JAZF1: variants seen among roughly 807,000 people sequenced by gnomAD.
JAZF1 encodes juxtaposed with another zinc finger protein 1.
JAZF1 carries 8 observed loss-of-function variants against 26.4 expected under a neutral mutation model. That is an observed-to-expected ratio of 0.30 (90% confidence interval 0.18 to 0.55). JAZF1 has a LOEUF of 0.55. JAZF1 is among the 20% of genes least tolerant of loss of function. The probability of loss-of-function intolerance (pLI) is 0.94; values close to 1 mark genes in which losing one functional copy is unlikely to be tolerated. For synonymous variants in JAZF1, 126 were observed against 122.3 expected (o/e 1.03, Z -0.20); for missense variants, 199 against 322.0 (o/e 0.62, Z 2.92).
chr7:28,068,743 C>T (rs1023140153), intron 1 of JAZF1, among the ~76,000 whole-genome samples: 11 of 152,136 alleles, frequency 7.2e-5, no homozygotes, highest in Admixed American at 6.5e-5. Flanking sequence ...AAAAAAGACA[C>T]GAGTCACTGG....
chr7:27,984,679 C>G (rs1208240726), intron 2 of JAZF1, among the ~76,000 whole-genome samples: 1 of 152,180 alleles, frequency 6.6e-6, no homozygotes, highest in African/African-American at 2.4e-5. Context: ...TGCACTTATT[C>G]CAAAATTGAC....
intron 1 of JAZF1, among the ~76,000 whole-genome samples, chr7:28,097,657 T>G (rs1784406492): frequency 2.0e-5 from 3 of 152,294 alleles, no homozygotes; most frequent in South Asian, 2.1e-4. Context: ...AAATCACAGC[T>G]GTCTACGAAT....
chr7:27,915,505 G>A (rs1784432766), intron 2 of JAZF1, among the ~76,000 whole-genome samples: 1 of 152,044 alleles, frequency 6.6e-6, no homozygotes, highest in African/African-American at 2.4e-5. Context: ...TATATTCCAG[G>A]TATCATATAA....
intron 3 of JAZF1, among the ~76,000 whole-genome samples, chr7:27,847,151 C>CTTT (rs80005826): frequency 0.023 from 3,092 of 136,208 alleles, 58 homozygotes; most frequent in East Asian, 0.084. Context: ...GGCTTTTTTT[C>CTTT]TTTTTTTTTT....
intron 1 of JAZF1, among the ~76,000 whole-genome samples, chr7:28,080,669 G>C (rs952770991): frequency 2.6e-5 from 4 of 152,288 alleles, no homozygotes; most frequent in African/African-American, 9.6e-5. Flanking sequence ...CAGGCTCAGG[G>C]AGAGGAAGAG....
intron 1 of JAZF1, among the ~76,000 whole-genome samples, chr7:28,001,223 G>A (rs534927070): frequency 2.3e-4 from 35 of 152,012 alleles, no homozygotes; most frequent in South Asian, 2.1e-3. Context: ...GCATGGTGGC[G>A]TGCCTGTAAT....
chr7:27,945,798 G>C (rs906121429), intron 2 of JAZF1, among the ~76,000 whole-genome samples: 1 of 152,198 alleles, frequency 6.6e-6, no homozygotes, highest in African/African-American at 2.4e-5. Context: ...GAGTGATCTA[G>C]AATTCTGGGC....
At chr7:27,900,964 T>C (rs1416794199) in intron 2 of JAZF1, among the ~76,000 whole-genome samples, 1 of 151,530 alleles carries the variant, frequency 6.6e-6, no homozygotes, top group Non-Finnish European at 1.5e-5. Context: ...TGATGTTTCC[T>C]GTGTAAAAAC....
chr7:28,128,517 A>G (rs1476784802), intron 1 of JAZF1, among the ~76,000 whole-genome samples: 1 of 152,130 alleles, frequency 6.6e-6, no homozygotes, highest in Non-Finnish European at 1.5e-5. Context: ...GTCCGTCTAA[A>G]AAATAAATAA....
At chr7:28,158,797 A>C (rs1783232860) in intron 1 of JAZF1, among the ~76,000 whole-genome samples, 1 of 152,184 alleles carries the variant, frequency 6.6e-6, no homozygotes, top group South Asian at 2.1e-4. Context: ...TTTGATTGCC[A>C]TTGAGAATTC....
intron 3 of JAZF1, among the ~76,000 whole-genome samples, chr7:27,876,160 C>T (rs1049681825): frequency 4.6e-5 from 7 of 152,208 alleles, no homozygotes; most frequent in East Asian, 3.8e-4. Flanking sequence ...TAACTCACAG[C>T]GTTGTTCTTA....
At chr7:27,864,682 C>T (rs1783444309) in intron 3 of JAZF1, among the ~76,000 whole-genome samples, 1 of 152,086 alleles carries the variant, frequency 6.6e-6, no homozygotes, top group African/African-American at 2.4e-5. Flanking sequence ...TATGTTGTTT[C>T]AGGTCTCATT....
chr7:27,840,592 C>A lies in JAZF1; in HGVS notation c.555+106G>T. The A allele has an allele frequency of 8.6e-7, 1 of 1,167,378 alleles. No individual in the cohort carries two copies. The highest frequency in any genetic ancestry group is 1.2e-6 in the Non-Finnish European group (1 of 804,056). The allele number at this position is 1,167,378 out of a possible 1,614,324, so 72.3% of individuals were successfully genotyped here. On this transcript the variant is annotated intron_variant, in intron 4 of 4. Transcript: ENST00000283928. The surrounding 1 kb of genome is among the most constrained non-coding windows in gnomAD (Gnocchi z 5.1). ...TCTAATGCAGGAGAGGGGAGTGTCTCCCCCCAGCCCATACGCTCGCTTTAA... is the reference window on the plus strand; with the variant it reads ...TCTAATGCAGGAGAGGGGAGTGTCTACCCCCAGCCCATACGCTCGCTTTAA...
chr7:28,158,276 A>G (rs1487247580), intron 1 of JAZF1, among the ~76,000 whole-genome samples: 1 of 151,890 alleles, frequency 6.6e-6, no homozygotes, highest in African/African-American at 2.4e-5. Flanking sequence ...TCCATAGGGG[A>G]CTGACAGGAG....
intron 1 of JAZF1, among the ~76,000 whole-genome samples, chr7:28,019,897 G>A (rs748940617): frequency 6.6e-6 from 1 of 152,098 alleles, no homozygotes; most frequent in Non-Finnish European, 1.5e-5. Flanking sequence ...TAGTTTACCA[G>A]CTAGTAGTTA....
At chr7:27,924,230 A>G (rs1784577736) in intron 2 of JAZF1, among the ~76,000 whole-genome samples, 1 of 152,168 alleles carries the variant, frequency 6.6e-6, no homozygotes, top group Non-Finnish European at 1.5e-5. Context: ...GGCGCCCGCC[A>G]CCATGCCCGG....
intron 2 of JAZF1, among the ~76,000 whole-genome samples, chr7:27,941,692 T>C (rs150360106): frequency 1.0e-3 from 153 of 152,264 alleles, no homozygotes; most frequent in Non-Finnish European, 1.7e-3. Flanking sequence ...TAGCAAACTG[T>C]CAAAATGATA....
At chr7:28,149,722 A>G (rs1783079456) in intron 1 of JAZF1, among the ~76,000 whole-genome samples, 2 of 152,232 alleles carry the variant, frequency 1.3e-5, no homozygotes, top group Non-Finnish European at 2.9e-5. Flanking sequence ...TTTAAATGTG[A>G]GAGCTGTCTA....
chr7:27,947,154 G>A (rs10951188), intron 2 of JAZF1, among the ~76,000 whole-genome samples: 47,114 of 151,986 alleles, frequency 0.31, 8,326 homozygotes, highest in Non-Finnish European at 0.4. Context: ...TGTTACTTAT[G>A]CCATGACATC....
Sources: gnomAD v4.1 joint callset for allele counts (sites outside exome capture counted in the v4.1 genomes callset) on GRCh38, gnomAD v4.1.1 for gene constraint, Gnocchi (gnomAD v3.1) non-coding constraint, MANE v1.5 for transcripts, NCBI Gene and HGNC (gene_info 2026-07-23, HGNC 2026-07-21) for gene names.